GRB7: variants seen among roughly 807,000 people sequenced by gnomAD.
GRB7 encodes growth factor receptor bound protein 7, also known as growth factor receptor-bound protein 7.
Under a neutral mutation model 64.1 loss-of-function variants are expected in GRB7, and 47 were observed. That is an observed-to-expected ratio of 0.73 (90% CI 0.58 to 0.94). The LOEUF (loss-of-function observed/expected upper bound fraction) is 0.94. Ranked by LOEUF, GRB7 falls within the 40% of genes least tolerant of loss-of-function variation. The pLI is 0.00. For synonymous variants in GRB7, 277 were observed against 279.9 expected (o/e 0.99, Z 0.10); for missense variants, 634 against 718.4 (o/e 0.88, Z 1.34).
In GRB7 at chr17:39,744,997, G is replaced by A; in HGVS notation, c.1011+13G>A. 2 of 1,604,590 alleles carry A rather than the reference G, an allele frequency of 1.2e-6. No homozygotes were observed. Among genetic ancestry groups the A allele is most frequent in the Non-Finnish European group, 1.7e-6 (2 of 1,172,206 alleles). On this transcript the variant is annotated intron_variant, in intron 9 of 14. Coordinates refer to ENST00000309156, the MANE Select transcript of GRB7 (RefSeq NM_005310.5). ...CCGCCTCTTCAAGGTGAGACCCTGG[G>A]AGTGGCATGGGGGGCTGGCCTGGCC...
Position 39,745,448 on chromosome 17 carries a change from G to A in GRB7, c.1119G>A (p.Val373=). The A allele has an allele frequency of 6.2e-7, 1 of 1,613,986 alleles. No individual in the cohort carries two copies. The highest frequency in any genetic ancestry group is 8.5e-7 in the Non-Finnish European group (1 of 1,179,988). The change falls in exon 11 of 15, where the codon GTG becomes GTA. Residue 373 remains valine (V), a synonymous_variant. Transcript: ENST00000309156. ...GAAGTGCCTCAGATAATACCCTGGT[G>A]GCCATGGACTTCTCTGGCCATGCTG... ...PLRSASDNTL[V]AMDFSGHAGR...
At position 39,743,216 on chromosome 17, in the gene GRB7, T is replaced by C; in HGVS notation, c.500T>C (p.Val167Ala). Residue 167 changes from valine (V) to alanine (A), a missense_variant, in exon 5 of 15, where the codon GTG (valine) becomes GCG (alanine). Coordinates refer to ENST00000309156, the MANE Select transcript of GRB7 (RefSeq NM_005310.5). ...GAGGACCACGAGTCCGTGGTGGAAG[T>C]GCAGGCTGCCTGGCCCGTGGGCGGA... ...GLEDHESVVE[V>A]QAAWPVGGDS... 1.2e-6 allele frequency: 2 copies of C among 1,614,172 alleles called. No homozygotes were observed. Among genetic ancestry groups the C allele is most frequent in the East Asian group, 4.5e-5 (2 of 44,884 alleles).
intron 14 of GRB7, 30 bp downstream of exon 14, chr17:39,746,232 C>A (rs2060045455): frequency 1.3e-6 from 2 of 1,558,160 alleles, no homozygotes; most frequent in South Asian, 1.1e-5. Context: ...CGGAGTCCTG[C>A]AATGAGACAC....
At chr17:39,746,649 AAAAGAAAAGAAT>A in intron 14 of GRB7, 90 bp from the exon 15 acceptor site, 34 of 1,364,184 alleles carry the variant, frequency 2.5e-5, no homozygotes, top group Admixed American at 6.9e-5. Flanking sequence ...AGAAAAAGAA[AAAAGAAAAGAAT>A]AAAAGGAAAT....
chr17:39,746,616 CAAA>C (rs375400306), intron 14 of GRB7, 132 bp from the exon 15 acceptor site: 100 of 983,710 alleles, frequency 1.0e-4, no homozygotes, highest in South Asian at 2.2e-4. Context: ...AAAACTGTCT[CAAA>C]AAAAAAAAAA....
At chr17:39,746,506 C>T (rs1675186676) in intron 14 of GRB7, among the ~76,000 whole-genome samples, 2 of 151,818 alleles carry the variant, frequency 1.3e-5, no homozygotes, top group African/African-American at 4.8e-5. Context: ...AGTCCAGCTA[C>T]TCAGGAGGCT....
chr17:39,745,030 T>C (rs1567929153), intron 9 of GRB7, 46 bp downstream of exon 9: 6 of 1,465,128 alleles, frequency 4.1e-6, no homozygotes, highest in Non-Finnish European at 9.5e-7. Context: ...GCCAGAGGGA[T>C]CCCCAGCTCT....
chr17:39,740,842 C>T (rs1373285644), intron 1 of GRB7, among the ~76,000 whole-genome samples: 1 of 152,170 alleles, frequency 6.6e-6, no homozygotes, highest in African/African-American at 2.4e-5. Context: ...TCACCTGTCC[C>T]CCAAATCCCC....
intron 1 of GRB7, among the ~76,000 whole-genome samples, chr17:39,741,974 CA>C (rs34685689): frequency 3.3e-4 from 36 of 108,018 alleles, no homozygotes; most frequent in Non-Finnish European, 4.3e-4. Context: ...GACGCCGCTG[CA>C]AAAAAAAAAA....
Position 39,745,280 on chromosome 17 carries a change from A to G in GRB7, c.1049A>G (p.Gln350Arg), listed in dbSNP as rs954210696. The G allele has an allele frequency of 3.7e-6, 6 of 1,607,672 alleles. No homozygotes were observed. The African/African-American group carries it at 8.0e-5, about 22-fold the overall frequency. ...VQLYKNYQQA[Q>R]SRHLHPSCLG... ...CTGTACAAGAATTACCAGCAGGCAC[A>G]GTCTCGCCATCTGCATCCATCTTGT... Residue 350 changes from glutamine to arginine, a missense_variant, in exon 10 of 15, where the codon CAG (glutamine) becomes CGG (arginine). Coordinates refer to ENST00000309156, the MANE Select transcript of GRB7 (RefSeq NM_005310.5).
chr17:39,746,938 C>G lies in GRB7; in HGVS notation c.*41C>G, dbSNP rs1434866437. ...GCTCATGCCTCAGCCCGCCTTCAGG[C>G]TGCCCGCCGCCCCTCCACCCATCCA... On this transcript the variant is annotated 3_prime_UTR_variant, in exon 15 of 15. Transcript: ENST00000309156. 1.3e-6 allele frequency: 2 copies of G among 1,570,982 alleles called. No individual in the cohort carries two copies. Among genetic ancestry groups the G allele is most frequent in the African/African-American group, 1.3e-5 (1 of 74,376 alleles).
intron 1 of GRB7, 68 bp from the exon 2 acceptor site, chr17:39,742,184 A>G (rs1337843559): frequency 3.6e-6 from 4 of 1,114,836 alleles, no homozygotes; most frequent in Non-Finnish European, 5.5e-6. Context: ...TGCTAGGTAA[A>G]CTCTGAGGGG....
intron 7 of GRB7, 92 bp from the exon 8 acceptor site, chr17:39,744,461 C>A: frequency 9.3e-7 from 1 of 1,071,198 alleles, no homozygotes; most frequent in South Asian, 1.4e-5. Context: ...CTGCCCCTCT[C>A]TGGTCCTGAA....
intron 6 of GRB7, among the ~76,000 whole-genome samples, chr17:39,743,789 C>G (rs2060018035): frequency 7.4e-6 from 1 of 135,488 alleles, no homozygotes; most frequent in Non-Finnish European, 1.5e-5. Context: ...TTGAGACCAG[C>G]CTGGGCAACA....
chr17:39,746,228 C>A, intron 14 of GRB7, 26 bp downstream of exon 14: 2 of 1,585,342 alleles, frequency 1.3e-6, no homozygotes, highest in Non-Finnish European at 1.7e-6. Flanking sequence ...TCCCCGGAGT[C>A]CTGCAATGAG....
chr17:39,743,116 A>G (rs753398120), intron 4 of GRB7, 62 bp downstream of exon 4: 1 of 1,603,192 alleles, frequency 6.2e-7, no homozygotes, highest in Non-Finnish European at 8.5e-7. Flanking sequence ...TGGGCTAGGC[A>G]TGTGGCTCAT....
At chr17:39,746,391 A>G (rs2060047036) in intron 14 of GRB7, among the ~76,000 whole-genome samples, 189 bp downstream of exon 14, 1 of 152,078 alleles carries the variant, frequency 6.6e-6, no homozygotes, top group Non-Finnish European at 1.5e-5. Flanking sequence ...CCAAGGTGGG[A>G]GAATGGCTTG....
Position 39,745,167 on chromosome 17 carries a change from C to T in GRB7, c.1012-76C>T, listed in dbSNP as rs2060033019. ...AACACAGCCCTGGTCTGGGCAAGTC[C>T]TGGTCTGAGGGGGGCGTCACAGCCA... On this transcript the variant is annotated intron_variant, in intron 9 of 14. Coordinates refer to ENST00000309156, the MANE Select transcript of GRB7 (RefSeq NM_005310.5). 3.0e-6 allele frequency: 4 copies of T among 1,335,486 alleles called. No homozygotes were observed. The Admixed American group carries it at 8.2e-5, about 27-fold the overall frequency. 82.7% of individuals were successfully genotyped at this position (1,335,486 alleles called of 1,614,324 possible). A position where few individuals can be genotyped will look rare whatever the true frequency, so the allele number is the denominator to read the frequency against.
rs1246120030 is a variant in GRB7, at chr17:39,742,292, C to T, written c.-10C>T. On this transcript the variant is annotated 5_prime_UTR_variant, in exon 2 of 15. Transcript: ENST00000309156. ...CTGGTTCCGTTAAGCCCCTCTCTTG[C>T]TCAGACGCCATGGAGCTGGATCTGT... is the stretch of plus-strand genomic sequence containing the variant. 5.6e-6 allele frequency: 9 copies of T among 1,613,978 alleles called. No homozygotes were observed. Among genetic ancestry groups the T allele is most frequent in the Non-Finnish European group, 7.6e-6 (9 of 1,179,982 alleles).
Sources: allele counts gnomAD v4.1 joint callset (sites outside exome capture counted in the v4.1 genomes callset), GRCh38; gene constraint gnomAD v4.1.1; transcripts MANE v1.5; gene names NCBI Gene and HGNC (gene_info 2026-07-23, HGNC 2026-07-21).